Variants in ZNF577 observed in about 807,000 individuals in gnomAD.
The protein encoded by ZNF577 is zinc finger protein 577.
Under a neutral mutation model 13.9 loss-of-function variants are expected in ZNF577, and 14 were observed. That is an observed-to-expected ratio of 1.00 (90% CI 0.66 to 1.57). The LOEUF is 1.57. ZNF577 is among the 40% of genes most tolerant of loss of function. ZNF577 has a pLI of 0.00. For synonymous variants in ZNF577, 203 were observed against 202.9 expected, an observed-to-expected ratio of 1.00 and a Z score of 0.00; for missense variants, 555 against 579.2, an observed-to-expected ratio of 0.96 and a Z score of 0.43.
chr19:51,869,284 C>CT lies in ZNF577; in HGVS notation c.*3247dup, dbSNP rs2122641003. 6.6e-6 allele frequency among the ~76,000 whole-genome samples: 1 copy of CT among 152,318 alleles called. No homozygotes were observed. The highest frequency in any genetic ancestry group is 2.1e-4 in the South Asian group (1 of 4,824). On this transcript the variant is annotated 3_prime_UTR_variant, in exon 6 of 6. Transcript: ENST00000638348. The stretch of plus-strand genomic sequence containing the variant: ...ATTTGCTGAGATAGGAGAAAACCAC[C>CT]TTATGGCTGGATGTGAGACATGCTG...
At chr19:51,848,012 T>C (rs547360360) in intron 5 of ZNF577, among the ~76,000 whole-genome samples, 1 of 152,284 alleles carries the variant, frequency 6.6e-6, no homozygotes, top group South Asian at 2.1e-4. Flanking sequence ...CCTGACATGC[T>C]GTTGGAAGCC....
chr19:51,872,706 CTT>C lies in ZNF577; in HGVS notation c.1282_1283del (p.Lys428GlufsTer2), dbSNP rs1338551140. The C allele has an allele frequency of 2.5e-6, 4 of 1,614,214 alleles. No homozygotes were observed. Among genetic ancestry groups the C allele is most frequent in the African/African-American group, 2.7e-5 (2 of 75,054 alleles). On this transcript the variant is annotated frameshift_variant, in exon 6 of 6. Transcript: ENST00000638348. LOFTEE classifies it low-confidence loss of function (END_TRUNC). Reference sequence around the variant, plus strand: ...CATTTCTGCCCACTAGGCGCTCACTCTTGTTTAACAATGGCGGGGTTCCTGAG... The same window carrying C: ...CATTTCTGCCCACTAGGCGCTCACTCGTTTAACAATGGCGGGGTTCCTGAG... ...PSSGTPPLLN[K>X]SERLVGRNVV...
rs1159300631 is a variant in ZNF577, at chr19:51,872,566, T to TGGCC, written c.1423_1424insGGCC (p.Tyr475TrpfsTer25). 1 of 1,606,070 alleles carries TGGCC rather than the reference T, an allele frequency of 6.2e-7. No individual in the cohort carries two copies. The highest frequency in any genetic ancestry group is 8.5e-7 in the Non-Finnish European group (1 of 1,176,956). On this transcript the variant is annotated frameshift_variant, in exon 6 of 6. Coordinates refer to ENST00000638348, the MANE Select transcript of ZNF577 (RefSeq NM_001370449.1). LOFTEE classifies it low-confidence loss of function (END_TRUNC). ...TACAATATCTGTAAGATACAAGATATAATTTATTACTGATGGGGCCACATT... is the reference window on the plus strand; with the variant it reads ...TACAATATCTGTAAGATACAAGATATGGCCAATTTATTACTGATGGGGCCACATT...
At chr19:51,883,528 A>C (rs17835311) in intron 1 of ZNF577, among the ~76,000 whole-genome samples, 30,365 of 151,856 alleles carry the variant, frequency 0.2, 3,540 homozygotes, top group South Asian at 0.41. Context: ...TCCCATGTTC[A>C]ATTTTTTTAG....
intron 1 of ZNF577, among the ~76,000 whole-genome samples, chr19:51,881,165 G>A (rs1341151502): frequency 1.3e-5 from 2 of 152,150 alleles, no homozygotes; most frequent in Non-Finnish European, 2.9e-5. Context: ...ACATATATCA[G>A]TTTTAGGTAA....
chr19:51,867,304 T>G lies in ZNF577; in HGVS notation c.*5228A>C, dbSNP rs528220612. 6.6e-6 allele frequency among the ~76,000 whole-genome samples: 1 copy of G among 152,302 alleles called. No individual in the cohort carries two copies. The highest frequency in any genetic ancestry group is 1.9e-4 in the East Asian group (1 of 5,184). ...GGGCTTTTATCGTTTTTTTCTTCGG[T>G]TCTTAGGAAAAGGATATCATTTCTA... On this transcript the variant is annotated 3_prime_UTR_variant, in exon 6 of 6. Coordinates refer to ENST00000638348, the MANE Select transcript of ZNF577 (RefSeq NM_001370449.1).
At chr19:51,852,159 G>A in intron 5 of ZNF577, among the ~76,000 whole-genome samples, 1 of 152,170 alleles carries the variant, frequency 6.6e-6, no homozygotes, top group East Asian at 1.9e-4. Flanking sequence ...CCCAGATTCT[G>A]ATGTCTAAAG....
In ZNF577 at chr19:51,873,173, T is replaced by C. The variant is rs2084691215; in HGVS notation, c.817A>G (p.Ser273Gly). ...TGAGAAAAGGCTTTCCCACACACAC[T>C]GCACCCATAGAGTTTCTCTCCAGTA... is the stretch of plus-strand genomic sequence containing the variant. ...SHTGEKLYGC[S>G]VCGKAFSQKA... is the part of the protein sequence containing the mutation. Residue 273 changes from serine (S) to glycine (G), a missense_variant, in exon 6 of 6, where the codon AGT (serine) becomes GGT (glycine). Transcript: ENST00000638348. The C allele has an allele frequency of 1.2e-6, 2 of 1,614,170 alleles. No individual in the cohort carries two copies. The highest frequency in any genetic ancestry group is 1.7e-6 in the Non-Finnish European group (2 of 1,180,022).
At position 51,873,168 on chromosome 19, in the gene ZNF577, C is replaced by T; in HGVS notation, c.822G>A (p.Val274=). The T allele has an allele frequency of 2.5e-6, 4 of 1,614,142 alleles. No homozygotes were observed. The highest frequency in any genetic ancestry group is 2.2e-5 in the East Asian group (1 of 44,888). Residue 274 remains valine (V), a synonymous_variant, in exon 6 of 6, where the codon GTG becomes GTA. Coordinates refer to ENST00000638348, the MANE Select transcript of ZNF577 (RefSeq NM_001370449.1). The part of the protein sequence containing the change: ...HTGEKLYGCS[V]CGKAFSQKAY... ...CCTTCTGAGAAAAGGCTTTCCCACA[C>T]ACACTGCACCCATAGAGTTTCTCTC... is the stretch of plus-strand genomic sequence containing the variant.
At position 51,887,001 on chromosome 19, in the gene ZNF577, T is replaced by C. The variant is rs532359305; in HGVS notation, c.-399A>G. The stretch of plus-strand genomic sequence containing the variant: ...TAAACATATATATTTTTAACTTCTG[T>C]TCTTGTCAACTAAGTAAAATTAGGA... On this transcript the variant is annotated 5_prime_UTR_variant, in exon 1 of 6. Transcript: ENST00000638348. The C allele has an allele frequency of 7.9e-5, 12 of 152,268 alleles. No individual in the cohort carries two copies. Among genetic ancestry groups the C allele is most frequent in the Middle Eastern group, 3.4e-3 (1 of 294 alleles). 9.4% of individuals were successfully genotyped at this position (152,268 alleles called of 1,614,324 possible).
chr19:51,808,555 G>C (rs757505030), intron 10 of ZNF577, among the ~76,000 whole-genome samples: 27 of 152,124 alleles, frequency 1.8e-4, no homozygotes, highest in Non-Finnish European at 3.2e-4. Context: ...AGCATGCCTT[G>C]GGGTAAAACT....
rs367989930 is a variant in ZNF577, at chr19:51,867,500, C to G, written c.*5032G>C. 9.9e-5 allele frequency among the ~76,000 whole-genome samples: 15 copies of G among 151,830 alleles called. No individual in the cohort carries two copies. Among genetic ancestry groups the G allele is most frequent in the Admixed American group, 3.9e-4 (6 of 15,236 alleles). ...TTTTAAAAACACAAAGCTGGCCAGG[C>G]GCGGTGGCTCACACCTGTAATCCCA... is the stretch of plus-strand genomic sequence containing the variant. On this transcript the variant is annotated 3_prime_UTR_variant, in exon 6 of 6. Transcript: ENST00000638348.
chr19:51,883,285 C>T (rs2084892225), intron 1 of ZNF577, among the ~76,000 whole-genome samples: 1 of 151,844 alleles, frequency 6.6e-6, no homozygotes, highest in African/African-American at 2.4e-5. Context: ...GCTACTGTGC[C>T]TGGCCAAATT....
intron 10 of ZNF577, among the ~76,000 whole-genome samples, chr19:51,808,644 T>A (rs550414132): frequency 6.6e-6 from 1 of 152,262 alleles, no homozygotes; most frequent in Admixed American, 6.5e-5. Context: ...ATCCTTCTCG[T>A]GTAAGGGTGT....
At position 51,880,755 on chromosome 19, in the gene ZNF577, C is replaced by A; in HGVS notation, c.-96G>T. 4.8e-6 allele frequency: 1 copy of A among 209,608 alleles called. No homozygotes were observed. The highest frequency in any genetic ancestry group is 9.7e-6 in the Non-Finnish European group (1 of 103,424). The allele number at this position is 209,608 out of a possible 1,614,324, so 13.0% of individuals were successfully genotyped here. ...TTCTCTCTCTTCTGTCTATTCTGGG[C>A]CTTCCCAGAAGTGGTGGTCAGGTAT... On this transcript the variant is annotated 5_prime_UTR_variant, in exon 2 of 6. Coordinates refer to ENST00000638348, the MANE Select transcript of ZNF577 (RefSeq NM_001370449.1).
Position 51,824,216 on chromosome 19 carries a change from T to G in ZNF577, c.*600-12542A>C, listed in dbSNP as rs2084213381. ...GACTCTGGATTTTCACCATAGTCCT[T>G]ACCTTACCAAATTTCATCTTCTGGA... On this transcript the variant is annotated intron_variant and NMD_transcript_variant, in intron 9 of 10. Coordinates refer to the ZNF577 transcript ENST00000638827. This position sits in a 1 kb window ranked among gnomAD's most constrained non-coding sequence, Gnocchi z 4.7. 5 of 1,614,168 alleles carry G rather than the reference T, an allele frequency of 3.1e-6. No individual in the cohort carries two copies. In the East Asian group the frequency reaches 1.1e-4, roughly 36 times the overall value.
At chr19:51,857,361 GGAAGGAAAGAAAGAAAGAAAGAAA>G (rs2084437010) in intron 5 of ZNF577, among the ~76,000 whole-genome samples, 2 of 69,110 alleles carry the variant, frequency 2.9e-5, no homozygotes, top group African/African-American at 5.7e-5. Flanking sequence ...AAAGAAAGAA[GGAAGGAAAGAAAGAAAGAAAGAAA>G]GAAAGAAAGA....
intron 9 of ZNF577, among the ~76,000 whole-genome samples, chr19:51,812,273 G>A (rs764337675): frequency 2.0e-5 from 3 of 152,104 alleles, no homozygotes; most frequent in African/African-American, 4.8e-5. Flanking sequence ...ATTAAAATTT[G>A]TTAAACAAAA....
chr19:51,812,237 G>A (rs958402989), intron 9 of ZNF577, among the ~76,000 whole-genome samples: 4 of 152,160 alleles, frequency 2.6e-5, no homozygotes, highest in Non-Finnish European at 5.9e-5. Context: ...ATGGCCCAAC[G>A]TAGGGTGAAA....
Sources: allele counts gnomAD v4.1 joint callset (sites outside exome capture counted in the v4.1 genomes callset), GRCh38; gene constraint gnomAD v4.1.1; non-coding constraint Gnocchi (gnomAD v3.1); transcripts MANE v1.5; gene names NCBI Gene and HGNC (gene_info 2026-07-23, HGNC 2026-07-21).